MEIKIN: variants seen among roughly 807,000 people sequenced by gnomAD.
The protein encoded by MEIKIN is meiosis-specific kinetochore protein.
chr5:131,837,498 G>T lies in MEIKIN; in HGVS notation c.975+13766C>A, dbSNP rs559444995. ...TTCTTTCTATTCATGAGCATGGGAT[G>T]TGTTTCCATTTGTTTGTGTCATCTC... On this transcript the variant is annotated intron_variant, in intron 11 of 12. Coordinates refer to ENST00000442687, the MANE Select transcript of MEIKIN (RefSeq NM_001303622.2). 8.3e-4 allele frequency among the ~76,000 whole-genome samples: 127 copies of T among 152,238 alleles called. 1 individual carries two copies. Among genetic ancestry groups the T allele is most frequent in the Non-Finnish European group, 1.6e-3 (108 of 68,010 alleles).
chr5:131,845,592 AC>A (rs1216807871), intron 11 of MEIKIN, among the ~76,000 whole-genome samples: 5 of 128,026 alleles, frequency 3.9e-5, no homozygotes, highest in Admixed American at 2.5e-4. Context: ...ATCAACAAAA[AC>A]AGAAAACCTC....
At chr5:131,848,569 T>C (rs1273932147) in intron 11 of MEIKIN, among the ~76,000 whole-genome samples, 1 of 152,210 alleles carries the variant, frequency 6.6e-6, no homozygotes, top group African/African-American at 2.4e-5. Flanking sequence ...CTAATTCTGA[T>C]GCCTTCCCTG....
chr5:131,925,197 A>AT (rs1751567935), intron 5 of MEIKIN, among the ~76,000 whole-genome samples: 2 of 152,294 alleles, frequency 1.3e-5, no homozygotes, highest in South Asian at 4.1e-4. Context: ...ATTGCAATGT[A>AT]TTTTGAAATC....
intron 6 of MEIKIN, among the ~76,000 whole-genome samples, chr5:131,921,433 A>C (rs1751503775): frequency 6.6e-6 from 1 of 152,080 alleles, no homozygotes; most frequent in Non-Finnish European, 1.5e-5. Flanking sequence ...CAAGGCAGGC[A>C]GATCACCTGA....
chr5:131,941,490 A>C (rs1376775073), intron 4 of MEIKIN, among the ~76,000 whole-genome samples: 1 of 152,012 alleles, frequency 6.6e-6, no homozygotes, highest in Non-Finnish European at 1.5e-5. Flanking sequence ...CTTTTGCTTT[A>C]CTGATCAAGG....
intron 11 of MEIKIN, among the ~76,000 whole-genome samples, chr5:131,837,529 T>A (rs144027419): frequency 2.0e-5 from 3 of 152,264 alleles, no homozygotes; most frequent in African/African-American, 4.8e-5. Context: ...ATCTCTAATT[T>A]CTTTGAGCAG....
At position 131,811,103 on chromosome 5, in the gene MEIKIN, G is replaced by T. The variant is rs1322478574; in HGVS notation, c.1100-3845C>A. Among the ~76,000 whole-genome samples the T allele has an allele frequency of 2.6e-5, 4 of 152,150 alleles. No individual in the cohort carries two copies. In the East Asian group the frequency reaches 7.7e-4, roughly 29 times the overall value. ...GAGCCTAGAAAGAGGCCAGGAGATGGCACCGTTAGTTCATTAGTTCAACAT... is the reference window on the plus strand; with the variant it reads ...GAGCCTAGAAAGAGGCCAGGAGATGTCACCGTTAGTTCATTAGTTCAACAT... On this transcript the variant is annotated intron_variant, in intron 12 of 12. Transcript: ENST00000442687.
intron 11 of MEIKIN, among the ~76,000 whole-genome samples, chr5:131,831,761 G>A (rs534810723): frequency 5.3e-4 from 80 of 152,194 alleles, no homozygotes; most frequent in Admixed American, 1.0e-3. Context: ...CAGAATCATC[G>A]CAGGAGGTGA....
chr5:131,906,496 C>T (rs1173049129), intron 8 of MEIKIN, among the ~76,000 whole-genome samples: 2 of 152,130 alleles, frequency 1.3e-5, no homozygotes, highest in Admixed American at 6.5e-5. Context: ...ACCATTTGAC[C>T]CAGCAATCCC....
At chr5:131,838,749 T>C (rs1161201906) in intron 11 of MEIKIN, among the ~76,000 whole-genome samples, 1 of 152,138 alleles carries the variant, frequency 6.6e-6, no homozygotes, top group Admixed American at 6.6e-5. Context: ...CTCTTTTCTC[T>C]TTATTAGTCT....
chr5:131,899,008 C>T (rs763016006), intron 8 of MEIKIN, among the ~76,000 whole-genome samples: 2 of 151,798 alleles, frequency 1.3e-5, no homozygotes, highest in East Asian at 1.9e-4. Context: ...TCTTCTGTGT[C>T]GATCACGCTG....
intron 12 of MEIKIN, among the ~76,000 whole-genome samples, chr5:131,812,835 C>A (rs769523463): frequency 6.6e-6 from 1 of 151,904 alleles, no homozygotes; most frequent in Non-Finnish European, 1.5e-5. Flanking sequence ...CCAGGGTGAA[C>A]CTTTAGGATT....
At chr5:131,856,207 T>C (rs1750190171) in intron 9 of MEIKIN, among the ~76,000 whole-genome samples, 1 of 152,216 alleles carries the variant, frequency 6.6e-6, no homozygotes, top group African/African-American at 2.4e-5. Flanking sequence ...TGAAGGTTAT[T>C]CTACCTCTAG....
chr5:131,808,970 G>A (rs1410809545), intron 12 of MEIKIN, among the ~76,000 whole-genome samples: 3 of 152,132 alleles, frequency 2.0e-5, no homozygotes, highest in Non-Finnish European at 4.4e-5. Context: ...TAGCTACGTG[G>A]CAGAATCGCT....
chr5:131,863,017 T>A (rs1750314260), intron 9 of MEIKIN, among the ~76,000 whole-genome samples: 1 of 152,220 alleles, frequency 6.6e-6, no homozygotes, highest in East Asian at 1.9e-4. Flanking sequence ...AGAATTTTTT[T>A]ATTTCCATCT....
chr5:131,871,439 G>A (rs887472464), intron 9 of MEIKIN, among the ~76,000 whole-genome samples: 10 of 152,204 alleles, frequency 6.6e-5, no homozygotes, highest in Non-Finnish European at 1.5e-4. Context: ...AGGCGACAGC[G>A]AGGCTGGGGG....
chr5:131,844,103 C>G (rs56962869), intron 11 of MEIKIN, among the ~76,000 whole-genome samples: 4,016 of 152,158 alleles, frequency 0.026, 179 homozygotes, highest in African/African-American at 0.091. Flanking sequence ...GTGCCACACA[C>G]TTTCAAACAA....
intron 4 of MEIKIN, among the ~76,000 whole-genome samples, chr5:131,941,052 C>T (rs573833771): frequency 6.7e-6 from 1 of 148,622 alleles, no homozygotes; most frequent in South Asian, 2.2e-4. Flanking sequence ...GCCAGAGTTT[C>T]CAATATATTA....
At chr5:131,852,684 G>A (rs1283363343) in intron 10 of MEIKIN, among the ~76,000 whole-genome samples, 2 of 152,094 alleles carry the variant, frequency 1.3e-5, no homozygotes, top group Non-Finnish European at 2.9e-5. Context: ...GATGAGGGCT[G>A]ACTATTAACG....
Sources: gnomAD v4.1 joint callset for allele counts (sites outside exome capture counted in the v4.1 genomes callset) on GRCh38, gnomAD v4.1.1 for gene constraint, MANE v1.5 for transcripts, NCBI Gene and HGNC (gene_info 2026-07-23, HGNC 2026-07-21) for gene names.